Variants in CCDC191 observed in about 807,000 individuals in gnomAD.
The protein encoded by CCDC191 is coiled-coil domain-containing protein 191.
In CCDC191, 99 loss-of-function variants were observed where a neutral mutation model predicts 114.0. The ratio of observed to expected loss-of-function variants is 0.87; its 90% CI spans 0.74 to 1.03. The LOEUF (loss-of-function observed/expected upper bound fraction) is 1.03. CCDC191 is among the 50% of genes least tolerant of loss of function. The pLI is 0.00. For synonymous variants in CCDC191, 351 were observed against 376.0 expected (o/e 0.93, Z 0.77); for missense variants, 973 against 1,087.0 (o/e 0.90, Z 1.47).
chr3:113,996,830 A>G (rs941876054), intron 13 of CCDC191, among the ~76,000 whole-genome samples: 1 of 138,556 alleles, frequency 7.2e-6, no homozygotes, highest in African/African-American at 2.6e-5. Flanking sequence ...ATGAGAACAC[A>G]TGGACACAGG....
chr3:114,047,550 C>T (rs1322597999), intron 2 of CCDC191, among the ~76,000 whole-genome samples: 1 of 152,040 alleles, frequency 6.6e-6, no homozygotes, highest in Non-Finnish European at 1.5e-5. Flanking sequence ...ATAATCCTAG[C>T]TACTTCAGAG....
Position 113,978,297 on chromosome 3 carries a change from A to C in CCDC191, c.2495T>G (p.Phe832Cys), listed in dbSNP as rs1309349979. 6.2e-7 allele frequency: 1 copy of C among 1,613,932 alleles called. No homozygotes were observed. The highest frequency in any genetic ancestry group is 1.7e-5 in the Admixed American group (1 of 59,988). ...CTTCTTTTGAAGAAAATGTACACAA[A>C]ATTTTCTTACTTCTTCCTGCAGATC... ...VIDLQEEVRK[F>C]CVHFLQKKIF... Residue 832 changes from phenylalanine (F) to cysteine (C), a missense_variant, in exon 16 of 17, where the codon TTT becomes TGT. Physicochemically the swap from Phe to Cys is radical, Grantham distance 205. Transcript: ENST00000295878.
intron 16 of CCDC191, among the ~76,000 whole-genome samples, chr3:113,970,367 C>G (rs1940675455): frequency 6.6e-6 from 1 of 151,942 alleles, no homozygotes; most frequent in Non-Finnish European, 1.5e-5. Flanking sequence ...TCTCTGTCAC[C>G]CAGGCTGGTC....
rs1268798490 is a variant in CCDC191 at position 113,967,871 on chromosome 3, CAT to C, written c.2607-2514_2607-2513del. On this transcript the variant is annotated intron_variant, in intron 16 of 16. Transcript: ENST00000295878. ...AGATTCACATTTTTTAGCTCTCCCA[CAT>C]GAGTAAGAACATGTATTTGTCTTTC... Among the ~76,000 whole-genome samples the C allele has an allele frequency of 2.6e-5, 4 of 152,266 alleles. No homozygotes were observed. The East Asian group carries it at 5.8e-4, about 22-fold the overall frequency.
intron 4 of CCDC191, among the ~76,000 whole-genome samples, chr3:114,040,178 T>G (rs1320528375): frequency 5.3e-5 from 8 of 152,216 alleles, no homozygotes. Flanking sequence ...TTAAGTAGCA[T>G]GCAGTACAGG....
chr3:114,017,149 C>T (rs1394728197), intron 8 of CCDC191, among the ~76,000 whole-genome samples: 1 of 149,218 alleles, frequency 6.7e-6, no homozygotes, highest in African/African-American at 2.5e-5. Context: ...ACTCCATGTC[C>T]TGGCATTCAA....
intron 13 of CCDC191, among the ~76,000 whole-genome samples, chr3:114,000,891 C>G (rs2075843153): frequency 6.6e-6 from 1 of 151,998 alleles, no homozygotes; most frequent in African/African-American, 2.4e-5. Flanking sequence ...TGGGCTCAAG[C>G]AATCCTCCCA....
At chr3:114,018,140 C>A (rs1368526656) in intron 8 of CCDC191, among the ~76,000 whole-genome samples, 2 of 152,178 alleles carry the variant, frequency 1.3e-5, no homozygotes, top group Admixed American at 6.5e-5. Flanking sequence ...TGGATGTGCT[C>A]TGTGTCCTTA....
At position 113,978,732 on chromosome 3, in the gene CCDC191, TGGGATTGACTACTCTTTTGTTCTTGA is replaced by T. The variant is rs1268156222; in HGVS notation, c.2460+100_2460+125del. ...TTCACATTTATTTCAAAGCAGTGAA[TGGGATTGACTACTCTTTTGTTCTTGA>T]AAAAACATAATGACCCTGGACATTC... On this transcript the variant is annotated intron_variant, in intron 15 of 16. Coordinates refer to ENST00000295878, the MANE Select transcript of CCDC191 (RefSeq NM_020817.2). The T allele has an allele frequency of 2.3e-4, 220 of 960,104 alleles. No homozygotes were observed. The East Asian group carries it at 5.3e-3, about 23-fold the overall frequency. 59.5% of individuals were successfully genotyped at this position (960,104 alleles called of 1,614,324 possible).
chr3:114,021,436 C>A lies in CCDC191; in HGVS notation c.973-2568G>T, dbSNP rs145854025. Among the ~76,000 whole-genome samples the A allele has an allele frequency of 1.7e-3, 259 of 151,700 alleles. 5 individuals carry two copies. In the East Asian group the frequency reaches 0.027, roughly 16 times the overall value. On this transcript the variant is annotated intron_variant, in intron 7 of 16. Coordinates refer to ENST00000295878, the MANE Select transcript of CCDC191 (RefSeq NM_020817.2). ...TTTTTTCCCTGCCTGCTCAAAAAAA[C>A]CAATCCCATTAAAATTTAAATTAAA...
intron 13 of CCDC191, among the ~76,000 whole-genome samples, chr3:113,991,263 C>G (rs1353844039): frequency 2.8e-5 from 4 of 142,734 alleles, no homozygotes; most frequent in Admixed American, 1.4e-4. Flanking sequence ...AACAAACCCC[C>G]CCCCCCAAAA....
chr3:113,978,636 C>G (rs1386014198), intron 15 of CCDC191: 3 of 597,058 alleles, frequency 5.0e-6, no homozygotes, highest in South Asian at 2.4e-5. Flanking sequence ...TGATAACTTA[C>G]AGTTTATACA....
chr3:114,026,526 T>A (rs2107714642), intron 7 of CCDC191, among the ~76,000 whole-genome samples: 1 of 152,282 alleles, frequency 6.6e-6, no homozygotes, highest in Non-Finnish European at 1.5e-5. Flanking sequence ...TCCCCTAACA[T>A]AAGAAAACAT....
In CCDC191 at chr3:114,056,412, G is replaced by C. The variant is rs760122720; in HGVS notation, c.55C>G (p.Arg19Gly). ...GGCTTCCTTGTGAACCGTTTCCAGC[G>C]ATTCAGCCCCATCCTTTTCTTTGAG... ...SFSKKRMGLN[R>G]WKRFTRKPSP... Residue 19 changes from arginine to glycine, a missense_variant, in exon 1 of 17, where the codon CGC (arginine) becomes GGC (glycine). Arg to Gly is a moderately radical substitution (Grantham distance 125, BLOSUM62 -2). Coordinates refer to ENST00000295878, the MANE Select transcript of CCDC191 (RefSeq NM_020817.2). 1 of 1,614,144 alleles carries C rather than the reference G, an allele frequency of 6.2e-7. No individual in the cohort carries two copies. The highest frequency in any genetic ancestry group is 1.7e-5 in the Admixed American group (1 of 60,012).
chr3:114,031,908 A>G, intron 6 of CCDC191, 129 bp from the exon 7 acceptor site: 1 of 568,708 alleles, frequency 1.8e-6, no homozygotes. Context: ...TCTGGCTCTA[A>G]AACTACATAG....
chr3:114,011,862 G>A (rs980442702), intron 8 of CCDC191, among the ~76,000 whole-genome samples: 17 of 152,262 alleles, frequency 1.1e-4, no homozygotes, highest in Non-Finnish European at 2.4e-4. Context: ...CAAACATAGA[G>A]GTCTGAGATC....
chr3:114,011,851 TCAAA>T (rs2076075806), intron 8 of CCDC191, among the ~76,000 whole-genome samples: 2 of 152,192 alleles, frequency 1.3e-5, no homozygotes, highest in Admixed American at 1.3e-4. Context: ...AGTTGAGAAT[TCAAA>T]CATAGAGGTC....
chr3:113,984,814 TG>T (rs1354904751), intron 13 of CCDC191, among the ~76,000 whole-genome samples: 1 of 152,228 alleles, frequency 6.6e-6, no homozygotes, highest in East Asian at 1.9e-4. Flanking sequence ...AATGATCTCT[TG>T]GTCAGTAATG....
intron 5 of CCDC191, 41 bp from the exon 6 acceptor site, chr3:114,035,189 G>C: frequency 2.1e-6 from 3 of 1,414,958 alleles, no homozygotes; most frequent in South Asian, 2.4e-5. Context: ...GGCCTTTCAA[G>C]TAGAAAGGGA....
Sources: gnomAD v4.1 joint callset for allele counts (sites outside exome capture counted in the v4.1 genomes callset) on GRCh38, gnomAD v4.1.1 for gene constraint, MANE v1.5 for transcripts, NCBI Gene and HGNC (gene_info 2026-07-23, HGNC 2026-07-21) for gene names.